MARVELD2: variants seen among roughly 807,000 people sequenced by gnomAD.
MARVELD2 encodes MARVEL domain containing 2.
MARVELD2 carries 49 observed loss-of-function variants against 57.6 expected under a neutral mutation model. That is an observed-to-expected ratio of 0.85 (90% confidence interval 0.68 to 1.08). MARVELD2 has a LOEUF of 1.08. MARVELD2 is among the 50% of genes least tolerant of loss of function. The pLI, the probability that MARVELD2 is intolerant of heterozygous loss-of-function variation, is 0.00. For synonymous variants in MARVELD2, 238 were observed against 258.8 expected, an observed-to-expected ratio of 0.92 and a Z score of 0.77; for missense variants, 606 against 701.1, an observed-to-expected ratio of 0.86 and a Z score of 1.53.
rs772030670 is a variant in MARVELD2, at chr5:69,432,547, TGACA to T, written c.1208_1211del (p.Arg403LysfsTer11). 3.1e-6 allele frequency: 5 copies of T among 1,614,174 alleles called. No homozygotes were observed. The highest frequency in any genetic ancestry group is 4.2e-6 in the Non-Finnish European group (5 of 1,180,016). On this transcript the variant is annotated frameshift_variant, in exon 4 of 7. Coordinates refer to ENST00000325631, the MANE Select transcript of MARVELD2 (RefSeq NM_001038603.3). LOFTEE classifies it high-confidence loss of function. ...TGCAGTGTGAAATGGCCACCAGTGG[TGACA>T]GACAAAGAGACTCAGAAGTTAATTT...
intron 3 of MARVELD2, among the ~76,000 whole-genome samples, chr5:69,426,897 A>G (rs973034871): frequency 6.6e-6 from 1 of 152,112 alleles, no homozygotes; most frequent in Middle Eastern, 3.4e-3. Context: ...GTCTTAAGTG[A>G]TCCTCCTGCC....
At chr5:69,424,579 A>G in intron 2 of MARVELD2, 22 bp from the exon 3 acceptor site, 1 of 1,599,098 alleles carries the variant, frequency 6.3e-7, no homozygotes, top group South Asian at 1.1e-5. Flanking sequence ...TTGAAAAACT[A>G]TTTGAACTCT....
intron 1 of MARVELD2, chr5:69,418,893 A>G (rs1766507573): frequency 6.4e-6 from 1 of 157,072 alleles, no homozygotes; most frequent in Admixed American, 6.2e-5. Flanking sequence ...GGGCTCACAG[A>G]TAAATTAGAT....
At chr5:69,431,058 G>T (rs1766947978) in intron 3 of MARVELD2, among the ~76,000 whole-genome samples, 1 of 149,956 alleles carries the variant, frequency 6.7e-6, no homozygotes, top group Non-Finnish European at 1.5e-5. Flanking sequence ...GCCTCCCAAA[G>T]TGTTAGGCTT....
chr5:69,438,024 G>T (rs1459077951), intron 5 of MARVELD2, among the ~76,000 whole-genome samples: 2 of 152,076 alleles, frequency 1.3e-5, no homozygotes, highest in South Asian at 2.1e-4. Flanking sequence ...CTTCTCCTTG[G>T]CCACAGGCTG....
rs1297177566 is a variant in MARVELD2, at chr5:69,420,414, T to C, written c.1029T>C (p.Ala343=). Residue 343 remains alanine (A), a synonymous_variant, in exon 2 of 7, where the codon GCT becomes GCC. Coordinates refer to ENST00000325631, the MANE Select transcript of MARVELD2 (RefSeq NM_001038603.3). ...GCCGGGTAGAAGGAGGACAGATAGC[T>C]GCAATGATCTTCCTGTTTGTCACCA... The part of the protein sequence containing the change: ...VFCRVEGGQI[A]AMIFLFVTMI... The C allele has an allele frequency of 1.9e-6, 3 of 1,614,026 alleles. No individual in the cohort carries two copies. Among genetic ancestry groups the C allele is most frequent in the Non-Finnish European group, 1.7e-6 (2 of 1,180,032 alleles).
Position 69,432,695 on chromosome 5 carries a change from C to A in MARVELD2, c.1331+20C>A. The A allele has an allele frequency of 6.2e-7, 1 of 1,613,976 alleles. No individual in the cohort carries two copies. Among genetic ancestry groups the A allele is most frequent in the Non-Finnish European group, 8.5e-7 (1 of 1,179,880 alleles). ...TGTGGCGTGAGTGTCAGTCTGAATT[C>A]TTCCTCAAGGTAGAAGTTGAGGGGC... On this transcript the variant is annotated intron_variant, in intron 4 of 6. Coordinates refer to ENST00000325631, the MANE Select transcript of MARVELD2 (RefSeq NM_001038603.3).
chr5:69,420,652 T>C (rs1766601147), intron 2 of MARVELD2, 121 bp downstream of exon 2: 2 of 1,003,192 alleles, frequency 2.0e-6, no homozygotes, highest in African/African-American at 1.6e-5. Context: ...TTTTCTTTCT[T>C]CCTTTTTTTT....
chr5:69,432,700 T>A, intron 4 of MARVELD2, 25 bp downstream of exon 4: 1 of 1,613,980 alleles, frequency 6.2e-7, no homozygotes, highest in Non-Finnish European at 8.5e-7. Context: ...GAATTCTTCC[T>A]CAAGGTAGAA....
At chr5:69,435,752 C>CAAAA (rs35281029) in intron 5 of MARVELD2, among the ~76,000 whole-genome samples, 3 of 64,784 alleles carry the variant, frequency 4.6e-5, no homozygotes, top group Non-Finnish European at 5.5e-5. Flanking sequence ...GACCCTGTCT[C>CAAAA]AAAAAAAAAA....
rs1766728954 is a variant in MARVELD2, at chr5:69,424,645, A to C, written c.1182+9A>C. The C allele has an allele frequency of 1.9e-6, 3 of 1,582,418 alleles. No homozygotes were observed. The highest frequency in any genetic ancestry group is 2.6e-6 in the Non-Finnish European group (3 of 1,150,670). On this transcript the variant is annotated intron_variant, in intron 3 of 6. Coordinates refer to ENST00000325631, the MANE Select transcript of MARVELD2 (RefSeq NM_001038603.3). ...CATCGAAAAGGAAAATGGTAAGAAT[A>C]AAGTTTACTTCATATTATGCTTTAG...
intron 2 of MARVELD2, among the ~76,000 whole-genome samples, chr5:69,422,089 G>A (rs981124093): frequency 3.3e-5 from 5 of 151,856 alleles, no homozygotes; most frequent in African/African-American, 1.2e-4. Context: ...TCTTAATCCC[G>A]TCATCTTCAT....
intron 3 of MARVELD2, 71 bp downstream of exon 3, chr5:69,424,707 C>T (rs1257290545): frequency 1.7e-6 from 2 of 1,196,954 alleles, no homozygotes; most frequent in African/African-American, 2.9e-5. Context: ...TGTTTATCTA[C>T]ATAGTAGTAT....
Position 69,439,494 on chromosome 5 carries a change from G to A in MARVELD2, c.1504-956G>A, listed in dbSNP as rs146164775. 7.1e-3 allele frequency among the ~76,000 whole-genome samples: 1,083 copies of A among 151,780 alleles called. 14 individuals are homozygous for A. Among genetic ancestry groups the A allele is most frequent in the African/African-American group, 0.024 (1,012 of 41,442 alleles). ...ACTGGCTGGGCACAGTGGCTCATGCGTGTAATCCCAGTACTTTGGGAGGCC... is the reference window on the plus strand; with the variant it reads ...ACTGGCTGGGCACAGTGGCTCATGCATGTAATCCCAGTACTTTGGGAGGCC... On this transcript the variant is annotated intron_variant, in intron 5 of 6. Transcript: ENST00000325631.
intron 2 of MARVELD2, among the ~76,000 whole-genome samples, chr5:69,423,720 C>A (rs299097): frequency 6.6e-6 from 1 of 151,648 alleles, no homozygotes; most frequent in East Asian, 1.9e-4. Flanking sequence ...CAATCCTCTC[C>A]CCTCAGCCTC....
In MARVELD2 at chr5:69,420,303, C is replaced by T. The variant is rs565474829; in HGVS notation, c.918C>T (p.Ala306=). 6.8e-6 allele frequency: 11 copies of T among 1,613,968 alleles called. No individual in the cohort carries two copies. Among genetic ancestry groups the T allele is most frequent in the East Asian group, 4.5e-5 (2 of 44,888 alleles). The change falls in exon 2 of 7, where the codon GCC becomes GCT. Residue 306 remains alanine (A), a synonymous_variant. Coordinates refer to ENST00000325631, the MANE Select transcript of MARVELD2 (RefSeq NM_001038603.3). ...INVALFILYM[A]AAIVYVNDTN... is the part of the protein sequence containing the mutation. Reference sequence around the variant, plus strand: ...TTGCCTTGTTTATTTTGTATATGGCCGCAGCCATAGTCTATGTGAATGATA... The same window carrying T: ...TTGCCTTGTTTATTTTGTATATGGCTGCAGCCATAGTCTATGTGAATGATA...
At chr5:69,439,292 C>G (rs1767256118) in intron 5 of MARVELD2, among the ~76,000 whole-genome samples, 1 of 151,730 alleles carries the variant, frequency 6.6e-6, no homozygotes, top group Admixed American at 6.6e-5. Context: ...TCCTAAGTAG[C>G]TGAGATTACA....
intron 5 of MARVELD2, among the ~76,000 whole-genome samples, chr5:69,440,221 G>A (rs1404506462): frequency 1.3e-5 from 2 of 152,108 alleles, no homozygotes; most frequent in Non-Finnish European, 2.9e-5. Flanking sequence ...AAGGGCCTGG[G>A]GCTTGGGTCT....
intron 6 of MARVELD2, among the ~76,000 whole-genome samples, chr5:69,440,840 T>G (rs1337548438): frequency 6.6e-6 from 1 of 152,224 alleles, no homozygotes; most frequent in Non-Finnish European, 1.5e-5. Context: ...CCCAGCACTT[T>G]GGGAAGCCAA....
Sources: gnomAD v4.1 joint callset for allele counts (sites outside exome capture counted in the v4.1 genomes callset) on GRCh38, gnomAD v4.1.1 for gene constraint, MANE v1.5 for transcripts, NCBI Gene and HGNC (gene_info 2026-07-23, HGNC 2026-07-21) for gene names.